Variants in NRXN3 observed in about 807,000 individuals in gnomAD.
NRXN3 encodes neurexin III.
Under a neutral mutation model 137.6 loss-of-function variants are expected in NRXN3, and 32 were observed. That is an observed-to-expected ratio of 0.23 (90% confidence interval 0.18 to 0.31). The LOEUF (loss-of-function observed/expected upper bound fraction) is 0.31. NRXN3 is among the 10% of genes least tolerant of loss of function. The pLI, the probability that NRXN3 is intolerant of heterozygous loss-of-function variation, is 1.00. For synonymous variants in NRXN3, 798 were observed against 784.5 expected (o/e 1.02, Z -0.29); for missense variants, 1,574 against 2,062.5 (o/e 0.76, Z 4.59).
chr14:78,975,473 G>T (rs1357519311), intron 14 of NRXN3, among the ~76,000 whole-genome samples: 1 of 152,216 alleles, frequency 6.6e-6, no homozygotes, highest in East Asian at 1.9e-4. Context: ...GATAGAGACA[G>T]GTAATGACAG....
At chr14:79,699,907 C>G (rs905221238) in intron 19 of NRXN3, among the ~76,000 whole-genome samples, 1 of 151,896 alleles carries the variant, frequency 6.6e-6, no homozygotes, top group African/African-American at 2.4e-5. Context: ...GGAGGAAAGC[C>G]AATAGCCTAC....
intron 4 of NRXN3, among the ~76,000 whole-genome samples, chr14:78,507,436 C>T (rs1180456688): frequency 6.6e-6 from 1 of 152,142 alleles, no homozygotes; most frequent in Non-Finnish European, 1.5e-5. Context: ...GGTCACTGCC[C>T]CGGGGCCAGG....
chr14:78,365,125 T>A (rs1009403729), intron 4 of NRXN3, among the ~76,000 whole-genome samples: 3 of 152,166 alleles, frequency 2.0e-5, no homozygotes, highest in African/African-American at 7.2e-5. Flanking sequence ...TTATAGTTAA[T>A]GTAATGTTGC....
intron 14 of NRXN3, among the ~76,000 whole-genome samples, chr14:78,980,779 G>A (rs1212211896): frequency 6.6e-6 from 1 of 152,126 alleles, no homozygotes; most frequent in African/African-American, 2.4e-5. Flanking sequence ...AGAAACCAAA[G>A]TACTAACACC....
intron 8 of NRXN3, among the ~76,000 whole-genome samples, chr14:78,731,201 C>A (rs2098513703): frequency 6.6e-6 from 1 of 152,018 alleles, no homozygotes; most frequent in Non-Finnish European, 1.5e-5. Context: ...GACTGTTATT[C>A]TGTCTTCATA....
chr14:79,842,182 C>G (rs1338017062), intron 20 of NRXN3, among the ~76,000 whole-genome samples: 3 of 152,156 alleles, frequency 2.0e-5, no homozygotes, highest in African/African-American at 7.2e-5. Context: ...AGTCTCTGCT[C>G]TCTTGGAGCT....
chr14:78,319,380 A>G (rs1199133227), intron 4 of NRXN3, among the ~76,000 whole-genome samples: 2 of 152,164 alleles, frequency 1.3e-5, no homozygotes, highest in African/African-American at 4.8e-5. Flanking sequence ...ACAAGGAGAG[A>G]AACATGGGGA....
intron 15 of NRXN3, among the ~76,000 whole-genome samples, chr14:79,402,123 C>A (rs915172708): frequency 6.6e-6 from 1 of 151,986 alleles, no homozygotes; most frequent in African/African-American, 2.4e-5. Flanking sequence ...TTTGTAGAGA[C>A]AGGGTCTCCC....
intron 15 of NRXN3, among the ~76,000 whole-genome samples, chr14:79,299,310 A>T (rs941889216): frequency 6.6e-6 from 1 of 152,026 alleles, no homozygotes; most frequent in Non-Finnish European, 1.5e-5. Context: ...TTAACTCCAC[A>T]TACCTGAGTG....
At chr14:79,581,443 T>C (rs2097715184) in intron 16 of NRXN3, among the ~76,000 whole-genome samples, 1 of 152,184 alleles carries the variant, frequency 6.6e-6, no homozygotes, top group Non-Finnish European at 1.5e-5. Flanking sequence ...ACTCATGAAC[T>C]TCCAACCAAC....
At chr14:78,485,445 A>G (rs908860683) in intron 4 of NRXN3, among the ~76,000 whole-genome samples, 1 of 152,196 alleles carries the variant, frequency 6.6e-6, no homozygotes, top group African/African-American at 2.4e-5. Flanking sequence ...CAATAAACAC[A>G]CACTAATTGG....
intron 4 of NRXN3, among the ~76,000 whole-genome samples, chr14:78,325,113 G>A (rs566847005): frequency 3.3e-5 from 5 of 152,100 alleles, no homozygotes; most frequent in African/African-American, 1.2e-4. Context: ...AGGACAATCT[G>A]CAAACATTAA....
intron 10 of NRXN3, among the ~76,000 whole-genome samples, chr14:78,901,852 C>A (rs74335134): frequency 0.099 from 15,026 of 152,058 alleles, 1,021 homozygotes; most frequent in Non-Finnish European, 0.14. Context: ...AAAGTCTGAG[C>A]AAGAATTTCC....
At chr14:79,525,522 C>T (rs1159843561) in intron 16 of NRXN3, among the ~76,000 whole-genome samples, 1 of 152,158 alleles carries the variant, frequency 6.6e-6, no homozygotes, top group African/African-American at 2.4e-5. Context: ...TTAATGCTGG[C>T]AGCCATAAAA....
chr14:79,716,235 A>G (rs2098823285), intron 19 of NRXN3, among the ~76,000 whole-genome samples: 1 of 152,204 alleles, frequency 6.6e-6, no homozygotes, highest in Non-Finnish European at 1.5e-5. Context: ...CATTTAAGGC[A>G]ATGCCTCACA....
At chr14:79,624,147 C>T (rs1365583313) in intron 16 of NRXN3, among the ~76,000 whole-genome samples, 2 of 152,114 alleles carry the variant, frequency 1.3e-5, no homozygotes, top group Non-Finnish European at 2.9e-5. Context: ...GTTACACTTC[C>T]CACATGGCTA....
At chr14:78,523,816 CAAAA>C (rs56083130) in intron 4 of NRXN3, among the ~76,000 whole-genome samples, 23 of 61,576 alleles carry the variant, frequency 3.7e-4, no homozygotes, top group African/African-American at 1.5e-3. Context: ...GACTCTGTCT[CAAAA>C]AAAAAAAAAA....
chr14:79,627,410 G>A (rs1287787947), intron 16 of NRXN3, among the ~76,000 whole-genome samples: 4 of 152,084 alleles, frequency 2.6e-5, no homozygotes. Context: ...GCTTCATTGA[G>A]ATCCTCAGCC....
At chr14:78,228,192 C>G (rs936682380) in intron 1 of NRXN3, among the ~76,000 whole-genome samples, 2 of 145,836 alleles carry the variant, frequency 1.4e-5, no homozygotes, top group Non-Finnish European at 3.0e-5. Context: ...GAGTCTCACT[C>G]TGTCGCCCAG....
Sources: gnomAD v4.1 joint callset for allele counts (sites outside exome capture counted in the v4.1 genomes callset) on GRCh38, gnomAD v4.1.1 for gene constraint, MANE v1.5 for transcripts, NCBI Gene and HGNC (gene_info 2026-07-23, HGNC 2026-07-21) for gene names.